Variants in MRE11 observed in about 807,000 individuals in gnomAD.
The protein encoded by MRE11 is MRE11 double strand break repair nuclease.
A neutral mutation model predicts 91.7 loss-of-function variants in MRE11; 62 were observed. The observed-to-expected ratio is 0.68, with a 90% CI of 0.55 to 0.84. The LOEUF is 0.84. Ranked by LOEUF, MRE11 falls within the 40% of genes least tolerant of loss-of-function variation. MRE11 has a pLI of 0.00. For synonymous variants in MRE11, 273 were observed against 271.4 expected, an observed-to-expected ratio of 1.01 and a Z score of -0.06; for missense variants, 796 against 852.9, an observed-to-expected ratio of 0.93 and a Z score of 0.83.
In MRE11 at chr11:94,492,886, C is replaced by G. The variant is rs568425337; in HGVS notation, c.-85G>C. ...GTACTCAAATGTCAGAAAATGCACT[C>G]GATTCCAAATTCTAGAAATTCTAAA... On this transcript the variant is annotated 5_prime_UTR_variant, in exon 2 of 20. Coordinates refer to ENST00000323929, the MANE Select transcript of MRE11 (RefSeq NM_005591.4). The G allele has an allele frequency of 3.0e-5, 37 of 1,252,192 alleles. No homozygotes were observed. The African/African-American group carries it at 4.3e-4, about 15-fold the overall frequency. 77.6% of individuals were successfully genotyped at this position (1,252,192 alleles called of 1,614,324 possible). A position where few individuals can be genotyped will look rare whatever the true frequency, so the allele number is the denominator to read the frequency against.
At chr11:94,460,337 G>A (rs1946382648) in intron 12 of MRE11, among the ~76,000 whole-genome samples, 1 of 152,178 alleles carries the variant, frequency 6.6e-6, no homozygotes, top group Non-Finnish European at 1.5e-5. Flanking sequence ...TAATACAACC[G>A]GAGGATCTTA....
intron 3 of MRE11, among the ~76,000 whole-genome samples, chr11:94,487,401 G>A (rs71479603): frequency 0.034 from 5,143 of 152,238 alleles, 200 homozygotes; most frequent in African/African-American, 0.091. Flanking sequence ...ACCTAATCAT[G>A]AGGAAATACC....
Position 94,459,590 on chromosome 11 carries a change from T to C in MRE11, c.1327-9A>G, listed in dbSNP as rs766573839. ...AGTGAGAGCTGCACATTCTGTAAGA[T>C]ACAAATCACTGGATGCAGAAATAGT... On this transcript the variant is annotated splice_polypyrimidine_tract_variant and intron_variant, in intron 12 of 19. Coordinates refer to ENST00000323929, the MANE Select transcript of MRE11 (RefSeq NM_005591.4). 1.5e-5 allele frequency: 24 copies of C among 1,612,530 alleles called. No individual in the cohort carries two copies. Among genetic ancestry groups the C allele is most frequent in the African/African-American group, 4.0e-5 (3 of 74,904 alleles).
At chr11:94,466,506 G>A (rs763594903) in intron 10 of MRE11, 3 of 531,220 alleles carry the variant, frequency 5.6e-6, no homozygotes, top group Non-Finnish European at 7.7e-6. Context: ...GCATTTGGTT[G>A]GTGCACAAGT....
At chr11:94,498,624 C>G (rs1284813124), upstream of MRE11, 10 of 1,129,532 alleles carry the variant, frequency 8.9e-6, no homozygotes, top group Non-Finnish European at 1.3e-5. Context: ...AAACATCTTA[C>G]TACAAAAATT....
chr11:94,449,492 G>C (rs1946036373), intron 14 of MRE11, among the ~76,000 whole-genome samples: 1 of 152,208 alleles, frequency 6.6e-6, no homozygotes, highest in African/African-American at 2.4e-5. Context: ...GAGACGCAGA[G>C]TGGTAAATAT....
At chr11:94,433,834 T>G (rs1216790550) in intron 18 of MRE11, among the ~76,000 whole-genome samples, 1 of 152,218 alleles carries the variant, frequency 6.6e-6, no homozygotes, top group East Asian at 1.9e-4. Context: ...ACAGGCTGCA[T>G]GCACTTGTCC....
the MRE11 span, among the ~76,000 whole-genome samples, chr11:94,510,846 A>C: frequency 3.9e-5 from 6 of 152,366 alleles, no homozygotes; most frequent in South Asian, 2.1e-4. Context: ...AAAGTTATAC[A>C]CACACGTACA....
rs184104583 is a variant in MRE11 at position 94,478,610 on chromosome 11, T to C, written c.544+125A>G. On this transcript the variant is annotated intron_variant, in intron 6 of 19. Coordinates refer to ENST00000323929, the MANE Select transcript of MRE11 (RefSeq NM_005591.4). ...TTTACCAAAACCATCCATCATTTTTTATAGTCACCAATAAAGAATAAGGTT... is the reference window on the plus strand; with the variant it reads ...TTTACCAAAACCATCCATCATTTTTCATAGTCACCAATAAAGAATAAGGTT... 424 of 1,101,298 alleles carry C rather than the reference T, an allele frequency of 3.8e-4. 2 individuals carry two copies. The East Asian group carries it at 8.9e-3, about 23-fold the overall frequency. 68.2% of individuals were successfully genotyped at this position (1,101,298 alleles called of 1,614,324 possible). A position where few individuals can be genotyped will look rare whatever the true frequency, so the allele number is the denominator to read the frequency against.
intron 14 of MRE11, among the ~76,000 whole-genome samples, 186 bp from the exon 15 acceptor site, chr11:94,447,624 T>C (rs1280576852): frequency 7.1e-6 from 1 of 140,434 alleles, no homozygotes; most frequent in Admixed American, 7.2e-5. Context: ...CACCCAAGAG[T>C]TTGAGACAAG....
chr11:94,480,906 A>G (rs1463336083), intron 4 of MRE11, among the ~76,000 whole-genome samples: 1 of 152,222 alleles, frequency 6.6e-6, no homozygotes, highest in Admixed American at 6.5e-5. Context: ...TTCTTAGGTA[A>G]CTGTACTGTG....
At chr11:94,432,058 C>T (rs948187495) in intron 18 of MRE11, among the ~76,000 whole-genome samples, 5 of 152,108 alleles carry the variant, frequency 3.3e-5, no homozygotes, top group Admixed American at 2.6e-4. Context: ...GGGGCCCTTA[C>T]TTCCTTCCAA....
At chr11:94,437,131 G>C (rs754166090) in intron 17 of MRE11, 46 bp downstream of exon 17, 2 of 1,506,060 alleles carry the variant, frequency 1.3e-6, no homozygotes. Context: ...TCATAATGCA[G>C]AAAACATAAA....
At chr11:94,511,853 C>A in the MRE11 span, among the ~76,000 whole-genome samples, 2 of 152,200 alleles carry the variant, frequency 1.3e-5, no homozygotes, top group Non-Finnish European at 2.9e-5. Flanking sequence ...TTTCTACTTG[C>A]TCTTCAAATT....
chr11:94,447,552 GAC>G, intron 14 of MRE11, 114 bp from the exon 15 acceptor site: 2 of 1,065,464 alleles, frequency 1.9e-6, no homozygotes. Flanking sequence ...AAAGGAGGCT[GAC>G]ACAGTGGCTC....
chr11:94,443,360 A>G (rs565012382), intron 16 of MRE11, among the ~76,000 whole-genome samples: 3 of 152,276 alleles, frequency 2.0e-5, no homozygotes, highest in Admixed American at 1.3e-4. Flanking sequence ...AGGATAAGCT[A>G]CCTATCTTTT....
chr11:94,464,000 G>C, intron 11 of MRE11, 113 bp downstream of exon 11: 12 of 1,180,140 alleles, frequency 1.0e-5, no homozygotes, highest in Non-Finnish European at 1.5e-5. Flanking sequence ...ATTTGTTTAA[G>C]ACATTACAAT....
chr11:94,473,006 G>A (rs961329670), intron 7 of MRE11: 1 of 152,062 alleles, frequency 6.6e-6, no homozygotes, highest in Non-Finnish European at 1.5e-5. Flanking sequence ...CATACACAGG[G>A]TAGTCAGGAA....
chr11:94,453,383 T>C (rs1339721523), intron 14 of MRE11, among the ~76,000 whole-genome samples: 1 of 152,238 alleles, frequency 6.6e-6, no homozygotes, highest in Non-Finnish European at 1.5e-5. Flanking sequence ...TTTAACTACT[T>C]TAGGAACTGC....
Sources: allele counts gnomAD v4.1 joint callset (sites outside exome capture counted in the v4.1 genomes callset), GRCh38; gene constraint gnomAD v4.1.1; transcripts MANE v1.5; gene names NCBI Gene and HGNC (gene_info 2026-07-23, HGNC 2026-07-21).